Variants in NRXN3 observed in about 807,000 individuals in gnomAD.
NRXN3 encodes neurexin 3.
Under a neutral mutation model 137.6 loss-of-function variants are expected in NRXN3, and 32 were observed. The observed-to-expected ratio is 0.23, with a 90% CI of 0.18 to 0.31. NRXN3 has a LOEUF of 0.31. Among genes scored for constraint, NRXN3 ranks in the 10% least tolerant of loss-of-function variants. The pLI is 1.00. For missense variants in NRXN3, 1,574 were observed against 2,062.5 expected (o/e 0.76, Z 4.59); for synonymous variants, 798 against 784.5 (o/e 1.02, Z -0.29).
At chr14:78,653,039 C>T (rs879649241) in intron 6 of NRXN3, among the ~76,000 whole-genome samples, 15 of 152,022 alleles carry the variant, frequency 9.9e-5, no homozygotes, top group South Asian at 2.1e-4. Context: ...AAATCATGTG[C>T]GAATTGAGAG....
intron 16 of NRXN3, among the ~76,000 whole-genome samples, chr14:79,629,626 A>C (rs955519818): frequency 4.6e-5 from 7 of 152,306 alleles, no homozygotes; most frequent in Admixed American, 3.9e-4. Context: ...TCCAAAAGGG[A>C]GACAGCCATT....
chr14:78,778,758 C>A lies in NRXN3; in HGVS notation c.2045-24862C>A, dbSNP rs1255277316. On this transcript the variant is annotated intron_variant, in intron 8 of 20. Coordinates refer to ENST00000335750, the MANE Select transcript of NRXN3 (RefSeq NM_001330195.2). ...TCTCTCTTTCTTTCTTTCCTTCTTT[C>A]TCTTTCTTTCTTTCTTTCTTTCTTT... Among the ~76,000 whole-genome samples the A allele has an allele frequency of 5.1e-3, 497 of 97,190 alleles. 9 individuals are homozygous for A. Among genetic ancestry groups the A allele is most frequent in the Middle Eastern group, 0.028 (5 of 176 alleles). The allele number at this position is 97,190 out of a possible 152,430, so 63.8% of individuals were successfully genotyped here.
chr14:78,339,558 G>A (rs2081923656), intron 4 of NRXN3, among the ~76,000 whole-genome samples: 1 of 152,120 alleles, frequency 6.6e-6, no homozygotes, highest in Admixed American at 6.6e-5. Context: ...ATAGCTTTGA[G>A]GTAAGGTGGT....
chr14:79,580,068 T>G (rs138863441), intron 16 of NRXN3, among the ~76,000 whole-genome samples: 1 of 152,312 alleles, frequency 6.6e-6, no homozygotes, highest in East Asian at 1.9e-4. Context: ...TCTTGCCTAT[T>G]TCATTTAACG....
chr14:79,542,442 T>G (rs1334353996), intron 16 of NRXN3, among the ~76,000 whole-genome samples: 24 of 152,314 alleles, frequency 1.6e-4, no homozygotes, highest in Non-Finnish European at 5.9e-5. Context: ...GTGAACATCC[T>G]TCTCTAGACT....
At chr14:79,438,214 G>T (rs1467882302) in intron 15 of NRXN3, among the ~76,000 whole-genome samples, 1 of 152,178 alleles carries the variant, frequency 6.6e-6, no homozygotes, top group African/African-American at 2.4e-5. Flanking sequence ...CTGCGTGGGA[G>T]TGCTTCCTTA....
intron 15 of NRXN3, among the ~76,000 whole-genome samples, chr14:79,376,234 A>G (rs1308986216): frequency 1.1e-4 from 10 of 88,602 alleles, no homozygotes; most frequent in African/African-American, 1.5e-4. Flanking sequence ...ATATATATAT[A>G]TATATATATA....
At chr14:79,545,019 A>G (rs1475832067) in intron 16 of NRXN3, among the ~76,000 whole-genome samples, 2 of 152,310 alleles carry the variant, frequency 1.3e-5, no homozygotes, top group East Asian at 3.9e-4. Context: ...AGTAGAGATA[A>G]CCAAGATAGC....
At chr14:79,033,347 A>G (rs1443869180) in intron 15 of NRXN3, among the ~76,000 whole-genome samples, 1 of 152,144 alleles carries the variant, frequency 6.6e-6, no homozygotes, top group African/African-American at 2.4e-5. Flanking sequence ...CACCTGGCAC[A>G]GTACCTGGTT....
chr14:78,532,375 T>G (rs900057685), intron 4 of NRXN3, among the ~76,000 whole-genome samples: 1 of 138,586 alleles, frequency 7.2e-6, no homozygotes, highest in African/African-American at 2.7e-5. Flanking sequence ...TGATGATATT[T>G]TGTGTGTGTG....
intron 15 of NRXN3, among the ~76,000 whole-genome samples, chr14:79,211,197 C>T (rs2067612080): frequency 6.6e-6 from 1 of 152,138 alleles, no homozygotes. Context: ...TTCTGTGCCT[C>T]AGTTTTCTCA....
At chr14:79,784,910 C>T (rs2099124824) in intron 19 of NRXN3, among the ~76,000 whole-genome samples, 1 of 152,144 alleles carries the variant, frequency 6.6e-6, no homozygotes, top group Non-Finnish European at 1.5e-5. Context: ...GCTTTATTGA[C>T]TGTTGTACAG....
At chr14:79,803,945 G>A (rs11627188) in intron 19 of NRXN3, among the ~76,000 whole-genome samples, 7 of 140,518 alleles carry the variant, frequency 5.0e-5, no homozygotes, top group East Asian at 2.1e-4. Context: ...ATATATATAT[G>A]TATATATATA....
At chr14:79,492,367 G>A (rs926839970) in intron 16 of NRXN3, among the ~76,000 whole-genome samples, 19 of 151,966 alleles carry the variant, frequency 1.3e-4, no homozygotes, top group African/African-American at 4.3e-4. Flanking sequence ...TAGTGCTAAC[G>A]TATCAATCTT....
At chr14:79,579,374 T>C (rs1005869948) in intron 16 of NRXN3, among the ~76,000 whole-genome samples, 3 of 147,776 alleles carry the variant, frequency 2.0e-5, no homozygotes, top group African/African-American at 7.4e-5. Flanking sequence ...ATATAATATA[T>C]ATATAATTTC....
intron 19 of NRXN3, 82 bp downstream of exon 19, chr14:79,698,019 A>G (rs1486774798): frequency 2.0e-5 from 25 of 1,263,276 alleles, no homozygotes; most frequent in East Asian, 4.8e-5. Context: ...TTATGTAGCT[A>G]AAGAGTTTGA....
At chr14:79,137,959 C>T (rs544087562) in intron 15 of NRXN3, among the ~76,000 whole-genome samples, 1 of 152,138 alleles carries the variant, frequency 6.6e-6, no homozygotes, top group African/African-American at 2.4e-5. Context: ...GTACCTATGG[C>T]ACGTGTTATG....
chr14:78,915,636 C>T lies in NRXN3; in HGVS notation c.2276-41606C>T, dbSNP rs540074724. Among the ~76,000 whole-genome samples the T allele has an allele frequency of 5.9e-5, 9 of 152,174 alleles. No individual in the cohort carries two copies. In the South Asian group the frequency reaches 1.5e-3, roughly 25 times the overall value. ...TAGGCAGACAGGATTGCTTAATTCT[C>T]ACTGAAAGATTCAGATCAGAGTTAC... is the stretch of plus-strand genomic sequence containing the variant. On this transcript the variant is annotated intron_variant, in intron 10 of 20. Transcript: ENST00000335750.
intron 15 of NRXN3, among the ~76,000 whole-genome samples, chr14:79,446,631 CT>C (rs766565956): frequency 6.6e-6 from 1 of 152,200 alleles, no homozygotes; most frequent in East Asian, 1.9e-4. Flanking sequence ...TCCCTGCCCC[CT>C]CCCTGTCTTC....
Sources: allele counts gnomAD v4.1 joint callset (sites outside exome capture counted in the v4.1 genomes callset), GRCh38; gene constraint gnomAD v4.1.1; transcripts MANE v1.5; gene names NCBI Gene and HGNC (gene_info 2026-07-23, HGNC 2026-07-21).